TCF7L2: variants seen among roughly 807,000 people sequenced by gnomAD.
TCF7L2 encodes the protein transcription factor 7 like 2.
In TCF7L2, 23 loss-of-function variants were observed where a neutral mutation model predicts 77.9. The ratio of observed to expected loss-of-function variants is 0.30; its 90% confidence interval spans 0.21 to 0.42. The LOEUF (loss-of-function observed/expected upper bound fraction) is 0.42. Among genes scored for constraint, TCF7L2 ranks in the 10% least tolerant of loss-of-function variants. The pLI, the probability that TCF7L2 is intolerant of heterozygous loss-of-function variation, is 1.00. For missense variants in TCF7L2, 654 were observed against 793.1 expected (o/e 0.82, Z 2.11); for synonymous variants, 413 against 340.2 (o/e 1.21, Z -2.36).
chr10:113,006,944 C>G (rs536562877), intron 4 of TCF7L2, among the ~76,000 whole-genome samples: 1 of 152,382 alleles, frequency 6.6e-6, no homozygotes, highest in Admixed American at 6.5e-5. Context: ...CTCACTGATG[C>G]ACCTGCCCTT....
intron 5 of TCF7L2, among the ~76,000 whole-genome samples, chr10:113,115,977 T>G (rs1160479708): frequency 5.9e-5 from 9 of 152,196 alleles, no homozygotes; most frequent in Non-Finnish European, 1.3e-4. Context: ...CTTACCTGTC[T>G]TCTAATATTA....
chr10:112,974,371 G>A (rs1477606578), intron 4 of TCF7L2, among the ~76,000 whole-genome samples: 4 of 152,200 alleles, frequency 2.6e-5, no homozygotes, highest in East Asian at 1.9e-4. Flanking sequence ...TCAGCCATAC[G>A]TGTGCCTCTT....
intron 4 of TCF7L2, among the ~76,000 whole-genome samples, chr10:112,991,901 C>G (rs1292456050): frequency 6.6e-6 from 1 of 152,182 alleles, no homozygotes; most frequent in African/African-American, 2.4e-5. Context: ...GAGCCACATA[C>G]AGAGGTGGCT....
At chr10:113,039,066 C>T (rs1317878638) in intron 4 of TCF7L2, among the ~76,000 whole-genome samples, 6 of 152,152 alleles carry the variant, frequency 3.9e-5, no homozygotes, top group African/African-American at 1.4e-4. Flanking sequence ...AGCATTGTGT[C>T]TAAGTTCTGT....
chr10:113,026,362 A>G lies in TCF7L2; in HGVS notation c.451-13663A>G, dbSNP rs549631911. On this transcript the variant is annotated intron_variant, in intron 4 of 13. Coordinates refer to ENST00000627217, the MANE Select transcript of TCF7L2 (RefSeq NM_001146274.2). ...TTTTAGTAGAGACAGAGTTTCAACA[A>G]GTTGGTCAGGCTCCTCTTGAACTTC... Among the ~76,000 whole-genome samples, 63 of 150,700 alleles carry G rather than the reference A, an allele frequency of 4.2e-4. 2 individuals carry two copies. The South Asian group carries it at 9.7e-3, about 23-fold the overall frequency.
chr10:113,165,837 G>A lies in TCF7L2; in HGVS notation c.1674G>A (p.Leu558=), dbSNP rs1218044970. 1 of 1,606,220 alleles carries A rather than the reference G, an allele frequency of 6.2e-7. No homozygotes were observed. The highest frequency in any genetic ancestry group is 8.5e-7 in the Non-Finnish European group (1 of 1,175,488). The stretch of plus-strand genomic sequence containing the variant: ...TCTGTCCCAACGGGGCCCTGGACCT[G>A]CCCCCAGCCGCTTTGCAGCCTGCCG... The change falls in exon 14 of 14, where the codon CTG becomes CTA. Residue 558 remains leucine, a synonymous_variant. Coordinates refer to ENST00000627217, the MANE Select transcript of TCF7L2 (RefSeq NM_001146274.2).
chr10:113,047,590 A>G (rs944807440), intron 5 of TCF7L2, among the ~76,000 whole-genome samples: 2 of 152,204 alleles, frequency 1.3e-5, no homozygotes, highest in African/African-American at 2.4e-5. Context: ...ATTTAGGACT[A>G]TTTTAGAGGT....
chr10:113,107,424 C>T (rs2062475594), intron 5 of TCF7L2, among the ~76,000 whole-genome samples: 1 of 152,058 alleles, frequency 6.6e-6, no homozygotes, highest in Non-Finnish European at 1.5e-5. Context: ...GATACCCAAG[C>T]CTTGATGTAC....
chr10:113,047,288 G>A (rs11196205), intron 5 of TCF7L2, among the ~76,000 whole-genome samples: 1 of 151,970 alleles, frequency 6.6e-6, no homozygotes. Context: ...TTATAACTAC[G>A]AGCAGTATGT....
At chr10:112,957,661 A>G (rs1045601836) in intron 3 of TCF7L2, among the ~76,000 whole-genome samples, 4 of 152,112 alleles carry the variant, frequency 2.6e-5, no homozygotes, top group African/African-American at 9.7e-5. Context: ...CTGGGCTATT[A>G]AAAAGGGATA....
chr10:112,991,142 C>T (rs1246146049), intron 4 of TCF7L2, among the ~76,000 whole-genome samples: 2 of 152,132 alleles, frequency 1.3e-5, no homozygotes, highest in Non-Finnish European at 2.9e-5. Context: ...CTTCCCCTCT[C>T]TGGGAACTGG....
At chr10:113,121,146 G>A (rs1437617639) in intron 5 of TCF7L2, among the ~76,000 whole-genome samples, 1 of 152,148 alleles carries the variant, frequency 6.6e-6, no homozygotes, top group African/African-American at 2.4e-5. Context: ...AATATGATTG[G>A]AGACTTGACA....
intron 5 of TCF7L2, chr10:113,126,013 A>AT (rs2065528963): frequency 6.6e-6 from 1 of 151,680 alleles, no homozygotes. Flanking sequence ...ATCAATAGTC[A>AT]TTTTTTCCTA....
At chr10:113,088,061 T>G (rs1446582723) in intron 5 of TCF7L2, among the ~76,000 whole-genome samples, 1 of 152,190 alleles carries the variant, frequency 6.6e-6, no homozygotes, top group Non-Finnish European at 1.5e-5. Context: ...CCTGAACAAA[T>G]TACATGAAAA....
intron 3 of TCF7L2, among the ~76,000 whole-genome samples, chr10:112,953,769 G>T (rs2032719470): frequency 6.6e-6 from 1 of 152,174 alleles, no homozygotes; most frequent in Admixed American, 6.5e-5. Flanking sequence ...CCAATGATCG[G>T]TCCCTTTTGT....
intron 4 of TCF7L2, among the ~76,000 whole-genome samples, chr10:113,007,515 C>T (rs924148029): frequency 6.6e-6 from 1 of 152,204 alleles, no homozygotes; most frequent in Non-Finnish European, 1.5e-5. Flanking sequence ...GGAAGACAGC[C>T]AGGCTGTGAA....
rs1264921348 is a variant in TCF7L2, at chr10:113,039,939, T to C, written c.451-86T>C. On this transcript the variant is annotated intron_variant, in intron 4 of 13. Transcript: ENST00000627217. ...TGTATGTTTTTCAGTTTCTGACCCATGTCACAGTTATTTCTTGGGCTAGTT... is the reference window on the plus strand; with the variant it reads ...TGTATGTTTTTCAGTTTCTGACCCACGTCACAGTTATTTCTTGGGCTAGTT... 4.3e-6 allele frequency: 5 copies of C among 1,160,108 alleles called. No homozygotes were observed. The African/African-American group carries it at 4.6e-5, about 11-fold the overall frequency. 71.9% of individuals were successfully genotyped at this position (1,160,108 alleles called of 1,614,324 possible).
chr10:112,991,917 G>A (rs1202005148), intron 4 of TCF7L2, among the ~76,000 whole-genome samples: 2 of 152,166 alleles, frequency 1.3e-5, no homozygotes, highest in Non-Finnish European at 2.9e-5. Flanking sequence ...TGGCTGTTGG[G>A]GCCGGGGAGG....
intron 5 of TCF7L2, among the ~76,000 whole-genome samples, chr10:113,061,321 G>A (rs1056775489): frequency 5.9e-5 from 9 of 152,156 alleles, no homozygotes; most frequent in Non-Finnish European, 1.3e-4. Flanking sequence ...GCCTCGCTGG[G>A]ACAGAGTGTA....
Sources: allele counts gnomAD v4.1 joint callset (sites outside exome capture counted in the v4.1 genomes callset), GRCh38; gene constraint gnomAD v4.1.1; transcripts MANE v1.5; gene names NCBI Gene and HGNC (gene_info 2026-07-23, HGNC 2026-07-21).